Variants in MMP28 observed in about 807,000 individuals in gnomAD.
MMP28 encodes the protein matrix metallopeptidase 28.
MMP28 carries 55 observed loss-of-function variants against 60.5 expected under a neutral mutation model. The observed-to-expected ratio is 0.91, with a 90% confidence interval of 0.73 to 1.14. MMP28 has a LOEUF of 1.14. MMP28 is among the 50% of genes most tolerant of loss of function. The pLI is 0.00. For synonymous variants in MMP28, 318 were observed against 312.5 expected (o/e 1.02, Z -0.18); for missense variants, 686 against 738.3 (o/e 0.93, Z 0.82).
At position 35,770,060 on chromosome 17, in the gene MMP28, G is replaced by T; in HGVS notation, c.850+7C>A. Reference sequence around the variant, plus strand: ...GACCAAGAGCGGGGCATGTCCCGGGGCCTCACCATACAGGCTCTGCACGGC... The same window carrying T: ...GACCAAGAGCGGGGCATGTCCCGGGTCCTCACCATACAGGCTCTGCACGGC... On this transcript the variant is annotated splice_region_variant and intron_variant, in intron 5 of 7. Coordinates refer to ENST00000605424, the MANE Select transcript of MMP28 (RefSeq NM_024302.5). 1 of 1,551,304 alleles carries T rather than the reference G, an allele frequency of 6.4e-7. No individual in the cohort carries two copies. Among genetic ancestry groups the T allele is most frequent in the East Asian group, 2.3e-5 (1 of 43,362 alleles).
chr17:35,786,189 T>C (rs2086643997), intron 1 of MMP28, among the ~76,000 whole-genome samples: 2 of 152,088 alleles, frequency 1.3e-5, no homozygotes. Context: ...CTCGAGTAGC[T>C]GGGATTACAG....
At chr17:35,782,399 CT>C (rs1163062222) in intron 1 of MMP28, among the ~76,000 whole-genome samples, 1 of 152,158 alleles carries the variant, frequency 6.6e-6, no homozygotes, top group Non-Finnish European at 1.5e-5. Flanking sequence ...ATCATAGCTG[CT>C]GTCTCAAGGA....
chr17:35,788,365 T>C (rs561891011), intron 1 of MMP28, among the ~76,000 whole-genome samples: 51 of 152,282 alleles, frequency 3.3e-4, no homozygotes, highest in African/African-American at 1.2e-3. Flanking sequence ...GGGCACAAAA[T>C]AATGCCTTGA....
chr17:35,778,670 G>A (rs2086403320), intron 3 of MMP28: 3 of 1,155,076 alleles, frequency 2.6e-6, no homozygotes, highest in Non-Finnish European at 3.5e-6. Context: ...AAAAACACTT[G>A]TACAATGAAA....
At chr17:35,778,300 G>A (rs986255207) in intron 3 of MMP28, among the ~76,000 whole-genome samples, 1 of 152,176 alleles carries the variant, frequency 6.6e-6, no homozygotes, top group African/African-American at 2.4e-5. Flanking sequence ...GGCTAGGGGA[G>A]GGGGAGAAGG....
chr17:35,762,013 G>A (rs587726479), downstream of MMP28, among the ~76,000 whole-genome samples: 34 of 151,782 alleles, frequency 2.2e-4, no homozygotes, highest in African/African-American at 2.4e-5. Context: ...TTTTTGAGAC[G>A]GAGTTTTGCT....
intron 2 of MMP28, chr17:35,757,958 T>C (rs77343024): frequency 6.6e-6 from 1 of 152,284 alleles, no homozygotes; most frequent in East Asian, 1.9e-4. Context: ...CGCTTAGATA[T>C]TATTTTCTCT....
intron 5 of MMP28, among the ~76,000 whole-genome samples, chr17:35,769,815 T>C (rs897912357): frequency 7.1e-6 from 1 of 140,544 alleles, no homozygotes; most frequent in African/African-American, 2.7e-5. Flanking sequence ...GGGGCGGGGT[T>C]GGGGGTACTG....
chr17:35,793,147 T>G (rs1052463400), intron 1 of MMP28, among the ~76,000 whole-genome samples: 2 of 152,204 alleles, frequency 1.3e-5, no homozygotes, highest in African/African-American at 4.8e-5. Context: ...GTTTTTATGC[T>G]TTTAAAATAT....
In MMP28 at chr17:35,770,074, G is replaced by T. The variant is rs776458981; in HGVS notation, c.843C>A (p.Ser281Arg). Residue 281 changes from serine to arginine, a missense_variant, in exon 5 of 8, where the codon AGC becomes AGA. Transcript: ENST00000605424. Reference sequence around the variant, plus strand: ...CATGTCCCGGGGCCTCACCATACAGGCTCTGCACGGCCAGCACGTCGTCCC... The same window carrying T: ...CATGTCCCGGGGCCTCACCATACAGTCTCTGCACGGCCAGCACGTCGTCCC... ...LSWDDVLAVQ[S>R]LYGKPLGGSV... 1 of 1,579,634 alleles carries T rather than the reference G, an allele frequency of 6.3e-7. No individual in the cohort carries two copies. The highest frequency in any genetic ancestry group is 8.6e-7 in the Non-Finnish European group (1 of 1,163,772).
At position 35,778,896 on chromosome 17, in the gene MMP28, G is replaced by T; in HGVS notation, c.371C>A (p.Ala124Glu). Residue 124 changes from alanine (A) to glutamate (E), a missense_variant, in exon 3 of 8, where the codon GCA becomes GAA. Transcript: ENST00000605424. ...ATTTTAACAGTGCTCACCTTGCTTT[G>T]CAAAGCGTTTCTTACGCCTCATTTT... ...RTKMRRKKRF[A>E]KQGNKWYKQH... 1 of 1,614,022 alleles carries T rather than the reference G, an allele frequency of 6.2e-7. No individual in the cohort carries two copies. The highest frequency in any genetic ancestry group is 8.5e-7 in the Non-Finnish European group (1 of 1,179,900).
chr17:35,771,156 G>A (rs1448937064), intron 4 of MMP28, among the ~76,000 whole-genome samples: 3 of 152,188 alleles, frequency 2.0e-5, no homozygotes, highest in Middle Eastern at 6.3e-3. Context: ...TTTCAGGCTG[G>A]GTGCGGTGGC....
chr17:35,771,269 A>G (rs2086128043), intron 4 of MMP28, among the ~76,000 whole-genome samples: 1 of 152,014 alleles, frequency 6.6e-6, no homozygotes, highest in South Asian at 2.1e-4. Flanking sequence ...TGTCTCTACT[A>G]AAAATGCAAA....
chr17:35,766,010 C>T lies in MMP28; in HGVS notation c.*490G>A, dbSNP rs1023707956. ...CCTCTGAGGTTGGAGACGCCTGTGC[C>T]TTCATCCCCATCCATGCTTCCTGGG... On this transcript the variant is annotated 3_prime_UTR_variant, in exon 8 of 8. Coordinates refer to ENST00000605424, the MANE Select transcript of MMP28 (RefSeq NM_024302.5). This position sits in a 1 kb window ranked among gnomAD's most constrained non-coding sequence, Gnocchi z 4.3. 2 of 985,448 alleles carry T rather than the reference C, an allele frequency of 2.0e-6. No individual in the cohort carries two copies. Among genetic ancestry groups the T allele is most frequent in the East Asian group, 2.3e-4 (2 of 8,812 alleles). The allele number at this position is 985,448 out of a possible 1,614,324, so 61.0% of individuals were successfully genotyped here.
At chr17:35,785,169 T>G (rs1029198278) in intron 1 of MMP28, among the ~76,000 whole-genome samples, 4 of 152,046 alleles carry the variant, frequency 2.6e-5, no homozygotes, top group African/African-American at 9.7e-5. Flanking sequence ...CCTGCATCAG[T>G]CCTGACTTGT....
intron 2 of MMP28, chr17:35,760,796 C>A: frequency 2.2e-6 from 2 of 896,188 alleles, no homozygotes; most frequent in Non-Finnish European, 3.6e-6. Flanking sequence ...TATTCCTGGG[C>A]AGAGCCTTAT....
At chr17:35,764,340 C>G (rs2085890395), downstream of MMP28, 3 of 1,462,914 alleles carry the variant, frequency 2.1e-6, no homozygotes, top group African/African-American at 4.4e-5. Flanking sequence ...CTGCGCGCTC[C>G]TCGACCGGGG....
rs956370783 is a variant in MMP28 at position 35,795,390 on chromosome 17, G to C, written c.-13C>G. 1.4e-6 allele frequency: 2 copies of C among 1,407,510 alleles called. No individual in the cohort carries two copies. Among genetic ancestry groups the C allele is most frequent in the Non-Finnish European group, 1.8e-6 (2 of 1,085,250 alleles). 87.2% of individuals were successfully genotyped at this position (1,407,510 alleles called of 1,614,324 possible). A position where few individuals can be genotyped will look rare whatever the true frequency, so the allele number is the denominator to read the frequency against. ...CGCGCGCGACCATCTCGCCGCCTCC[G>C]GTGCAGCCCGGCTCGGGGAGCTACT... On this transcript the variant is annotated 5_prime_UTR_variant, in exon 1 of 8. Transcript: ENST00000605424.
At chr17:35,764,371 G>A (rs367949799), downstream of MMP28, 16 of 1,453,900 alleles carry the variant, frequency 1.1e-5, no homozygotes, top group Middle Eastern at 2.4e-4. Flanking sequence ...GCGGTGCCCG[G>A]GCCCCAGGGA....
Sources: allele counts gnomAD v4.1 joint callset (sites outside exome capture counted in the v4.1 genomes callset), GRCh38; gene constraint gnomAD v4.1.1; non-coding constraint Gnocchi (gnomAD v3.1); transcripts MANE v1.5; gene names NCBI Gene and HGNC (gene_info 2026-07-23, HGNC 2026-07-21).